Variants in AMBRA1 observed in about 807,000 individuals in gnomAD.
The protein encoded by AMBRA1 is activating molecule in BECN1-regulated autophagy protein 1.
AMBRA1 carries 47 observed loss-of-function variants against 125.4 expected under a neutral mutation model. The observed-to-expected ratio is 0.37, with a 90% CI of 0.30 to 0.48. The LOEUF (loss-of-function observed/expected upper bound fraction) is 0.48, where lower values mean the gene tolerates loss of function less well. AMBRA1 is among the 20% of genes least tolerant of loss of function. The pLI is 0.99. For missense variants in AMBRA1, 1,331 were observed against 1,693.4 expected, an observed-to-expected ratio of 0.79 and a Z score of 3.76; for synonymous variants, 626 against 655.5, an observed-to-expected ratio of 0.95 and a Z score of 0.69.
chr11:46,509,768 C>T (rs1210611404), intron 8 of AMBRA1, among the ~76,000 whole-genome samples: 1 of 152,082 alleles, frequency 6.6e-6, no homozygotes, highest in Non-Finnish European at 1.5e-5. Flanking sequence ...GGGAACAACA[C>T]AGCAATCCTA....
chr11:46,553,477 T>G (rs574838683), intron 1 of AMBRA1, among the ~76,000 whole-genome samples: 1 of 152,146 alleles, frequency 6.6e-6, no homozygotes, highest in Admixed American at 6.5e-5. Flanking sequence ...CCAGGTGCAG[T>G]GGCTCACACC....
chr11:46,430,216 T>C (rs1283219657), intron 14 of AMBRA1, among the ~76,000 whole-genome samples: 2 of 151,670 alleles, frequency 1.3e-5, no homozygotes, highest in African/African-American at 2.4e-5. Flanking sequence ...AGATGGGAGG[T>C]GAGGCGCAGA....
chr11:46,437,787 C>T (rs1590806786), intron 12 of AMBRA1, among the ~76,000 whole-genome samples: 1 of 152,082 alleles, frequency 6.6e-6, no homozygotes, highest in East Asian at 1.9e-4. Context: ...ACTAACTCAT[C>T]CTTTTTGGAT....
intron 1 of AMBRA1, among the ~76,000 whole-genome samples, chr11:46,568,803 C>CTTTTTTTTTTTTTTTTTTTTTT (rs774631588): frequency 3.1e-5 from 3 of 96,464 alleles, no homozygotes; most frequent in African/African-American, 1.4e-4. Flanking sequence ...TCAACCCTAC[C>CTTTTTTTTTTTTTTTTTTTTTT]TTTTTTTTTT....
At chr11:46,408,187 G>T (rs979701989) in intron 17 of AMBRA1, among the ~76,000 whole-genome samples, 2 of 152,216 alleles carry the variant, frequency 1.3e-5, no homozygotes, top group African/African-American at 4.8e-5. Context: ...GCTAAGGCCT[G>T]GGGTGTACTT....
chr11:46,530,658 C>T (rs1952173359), intron 7 of AMBRA1: 1 of 152,178 alleles, frequency 6.6e-6, no homozygotes. Flanking sequence ...CCCTCATTGT[C>T]ATAATGCCTT....
At chr11:46,453,463 CAT>C (rs1037330472) in intron 11 of AMBRA1, among the ~76,000 whole-genome samples, 3 of 152,040 alleles carry the variant, frequency 2.0e-5, no homozygotes, top group Non-Finnish European at 4.4e-5. Flanking sequence ...AATATTCTAT[CAT>C]ATGTTTATAA....
chr11:46,408,454 G>T, intron 17 of AMBRA1, 59 bp downstream of exon 17: 1 of 1,401,638 alleles, frequency 7.1e-7, no homozygotes. Flanking sequence ...AGTGGGAAGT[G>T]GCACTCACTC....
chr11:46,527,477 CAAAAAAAA>C (rs59904013), intron 7 of AMBRA1, among the ~76,000 whole-genome samples: 35 of 25,940 alleles, frequency 1.3e-3, no homozygotes, highest in South Asian at 8.1e-3. Flanking sequence ...GAGACTGTCT[CAAAAAAAA>C]AAAAAAAAAA....
chr11:46,584,499 T>C (rs2044297372), intron 1 of AMBRA1, among the ~76,000 whole-genome samples: 1 of 151,178 alleles, frequency 6.6e-6, no homozygotes, highest in Admixed American at 6.6e-5. Flanking sequence ...ATTGTGCACA[T>C]GTACCCTAAA....
At chr11:46,537,321 G>T (rs1195149320) in intron 7 of AMBRA1, among the ~76,000 whole-genome samples, 1 of 152,120 alleles carries the variant, frequency 6.6e-6, no homozygotes, top group Non-Finnish European at 1.5e-5. Context: ...GGAGGAAAGG[G>T]TGCCCTCTTC....
At chr11:46,568,551 T>C (rs1468158424) in intron 1 of AMBRA1, among the ~76,000 whole-genome samples, 1 of 151,744 alleles carries the variant, frequency 6.6e-6, no homozygotes, top group Non-Finnish European at 1.5e-5. Context: ...GGTGGGTGGA[T>C]CACCTGAGGT....
intron 1 of AMBRA1, among the ~76,000 whole-genome samples, chr11:46,565,485 T>C (rs1013590299): frequency 3.3e-5 from 5 of 151,334 alleles, no homozygotes; most frequent in East Asian, 2.0e-4. Context: ...GGTGGGCAGA[T>C]TGCTTGAGCC....
chr11:46,408,802 G>A, intron 16 of AMBRA1, 96 bp from the exon 17 acceptor site: 1 of 1,217,548 alleles, frequency 8.2e-7, no homozygotes, highest in Non-Finnish European at 1.1e-6. Context: ...GGGCAGTGTG[G>A]GCCAGGCCCT....
chr11:46,574,736 TC>T (rs1235754311), intron 1 of AMBRA1, among the ~76,000 whole-genome samples: 5 of 152,204 alleles, frequency 3.3e-5, no homozygotes, highest in Non-Finnish European at 7.3e-5. Context: ...CTTGGGCACC[TC>T]CAAAGAATAC....
At chr11:46,563,768 G>A (rs1482776863) in intron 1 of AMBRA1, among the ~76,000 whole-genome samples, 1 of 150,758 alleles carries the variant, frequency 6.6e-6, no homozygotes, top group Admixed American at 6.6e-5. Flanking sequence ...TTGAACCTAG[G>A]AGACGGTAGT....
intron 14 of AMBRA1, among the ~76,000 whole-genome samples, chr11:46,421,174 G>A (rs1439546404): frequency 6.6e-6 from 1 of 152,148 alleles, no homozygotes; most frequent in East Asian, 1.9e-4. Context: ...GTCACAGAGG[G>A]ATTGGAGAGA....
At position 46,547,571 on chromosome 11, in the gene AMBRA1, C is replaced by T. The variant is rs144792098; in HGVS notation, c.194+246G>A. ...CATACCACTGGTGAGCTGTATCACACAGGCAAATGATTGTTATTGAGAAAC... is the reference window on the plus strand; with the variant it reads ...CATACCACTGGTGAGCTGTATCACATAGGCAAATGATTGTTATTGAGAAAC... On this transcript the variant is annotated intron_variant, in intron 3 of 17. Coordinates refer to ENST00000683756, the MANE Select transcript of AMBRA1 (RefSeq NM_001387011.1). 6.7e-3 allele frequency among the ~76,000 whole-genome samples: 1,018 copies of T among 152,304 alleles called. 19 individuals carry two copies. The highest frequency in any genetic ancestry group is 0.024 in the African/African-American group (987 of 41,572).
intron 6 of AMBRA1, among the ~76,000 whole-genome samples, chr11:46,543,697 A>G (rs61882745): frequency 6.6e-6 from 1 of 152,188 alleles, no homozygotes; most frequent in East Asian, 1.9e-4. Flanking sequence ...CAAAATGTCA[A>G]CCAGCCAGAG....
Sources: gnomAD v4.1 joint callset for allele counts (sites outside exome capture counted in the v4.1 genomes callset) on GRCh38, gnomAD v4.1.1 for gene constraint, MANE v1.5 for transcripts, NCBI Gene and HGNC (gene_info 2026-07-23, HGNC 2026-07-21) for gene names.